The following CABCOCO1 variants were observed in gnomAD, a reference collection of about 807,000 sequenced individuals.
CABCOCO1 encodes ciliary associated calcium binding coiled-coil 1.
Under a neutral mutation model 35.7 loss-of-function variants are expected in CABCOCO1, and 28 were observed. That is an observed-to-expected ratio of 0.78 (90% CI 0.58 to 1.07). CABCOCO1 has a LOEUF of 1.07. CABCOCO1 is among the 50% of genes least tolerant of loss of function. CABCOCO1 has a pLI of 0.00. For synonymous variants in CABCOCO1, 95 were observed against 100.1 expected (o/e 0.95, Z 0.30); for missense variants, 326 against 309.2 (o/e 1.05, Z -0.41).
chr10:61,728,050 A>T (rs1161424514), intron 5 of CABCOCO1, among the ~76,000 whole-genome samples: 2 of 152,230 alleles, frequency 1.3e-5, no homozygotes, highest in Non-Finnish European at 2.9e-5. Flanking sequence ...TACACACATC[A>T]GTATTTTTAG....
At chr10:61,754,127 C>T (rs1841849376) in intron 5 of CABCOCO1, among the ~76,000 whole-genome samples, 1 of 152,076 alleles carries the variant, frequency 6.6e-6, no homozygotes, top group South Asian at 2.1e-4. Flanking sequence ...TTTTCATCCA[C>T]ATTATCTAGT....
chr10:61,680,806 A>G (rs759684803), intron 2 of CABCOCO1, among the ~76,000 whole-genome samples: 1 of 144,624 alleles, frequency 6.9e-6, no homozygotes, highest in African/African-American at 2.5e-5. Flanking sequence ...ACTTAATTTT[A>G]TAAATGAAAA....
chr10:61,736,856 C>G (rs987681079), intron 5 of CABCOCO1, among the ~76,000 whole-genome samples: 4 of 151,734 alleles, frequency 2.6e-5, no homozygotes, highest in Admixed American at 2.0e-4. Context: ...AGATCTTTCA[C>G]CTCCCTCATT....
chr10:61,732,929 CTTTATCATTACAGTGAATGTT>C (rs1201902352), intron 5 of CABCOCO1, among the ~76,000 whole-genome samples: 2 of 151,972 alleles, frequency 1.3e-5, no homozygotes, highest in Non-Finnish European at 2.9e-5. Flanking sequence ...AAATCTTGAT[CTTTATCATTACAGTGAATGTT>C]TTTAGAGCTT....
At chr10:61,680,323 T>TATATATTTATATACATATAACATATATA (rs1839673702) in intron 2 of CABCOCO1, among the ~76,000 whole-genome samples, 1 of 138,380 alleles carries the variant, frequency 7.2e-6, no homozygotes, top group South Asian at 2.2e-4. Flanking sequence ...AAAAAATATA[T>TATATATTTATATACATATAACATATATA]ATATATATAT....
intron 2 of CABCOCO1, among the ~76,000 whole-genome samples, chr10:61,680,651 ATTATGT>A (rs1564532601): frequency 4.5e-4 from 10 of 22,312 alleles, no homozygotes; most frequent in Non-Finnish European, 1.0e-3. Flanking sequence ...TATAATATAT[ATTATGT>A]TATACATGTA....
chr10:61,764,594 G>A (rs754226373), intron 7 of CABCOCO1, among the ~76,000 whole-genome samples: 6 of 151,744 alleles, frequency 4.0e-5, no homozygotes, highest in African/African-American at 1.5e-4. Context: ...TGCTTCTTTC[G>A]ACCCTACCTA....
chr10:61,681,913 G>A (rs1839804258), intron 3 of CABCOCO1, among the ~76,000 whole-genome samples: 1 of 152,028 alleles, frequency 6.6e-6, no homozygotes. Context: ...GTAAGAACTG[G>A]GCATGTGGGC....
chr10:61,674,603 T>A (rs1001586451), intron 2 of CABCOCO1, among the ~76,000 whole-genome samples: 8 of 152,162 alleles, frequency 5.3e-5, no homozygotes, highest in African/African-American at 1.9e-4. Flanking sequence ...ATAGTTTAAG[T>A]ATCCTATCAC....
At chr10:61,751,098 G>A (rs1841772335) in intron 5 of CABCOCO1, among the ~76,000 whole-genome samples, 1 of 150,850 alleles carries the variant, frequency 6.6e-6, no homozygotes, top group Admixed American at 6.6e-5. Flanking sequence ...AGATGGCCTG[G>A]CAGGATGCAG....
intron 5 of CABCOCO1, among the ~76,000 whole-genome samples, chr10:61,752,232 C>T (rs1841803957): frequency 6.6e-6 from 1 of 152,032 alleles, no homozygotes; most frequent in South Asian, 2.1e-4. Context: ...TGAAAGTGTC[C>T]TGTTTCTAGA....
chr10:61,730,842 A>C (rs1841286102), intron 5 of CABCOCO1, among the ~76,000 whole-genome samples: 1 of 152,012 alleles, frequency 6.6e-6, no homozygotes, highest in Non-Finnish European at 1.5e-5. Context: ...AAAATGCATA[A>C]ATCATTAAGA....
intron 3 of CABCOCO1, among the ~76,000 whole-genome samples, chr10:61,682,083 T>C (rs1415751589): frequency 1.3e-5 from 2 of 152,110 alleles, no homozygotes; most frequent in African/African-American, 2.4e-5. Flanking sequence ...ACACTAGAAA[T>C]AGAATAAAGG....
intron 5 of CABCOCO1, among the ~76,000 whole-genome samples, chr10:61,702,625 G>A (rs1039877434): frequency 3.3e-5 from 5 of 152,032 alleles, no homozygotes; most frequent in African/African-American, 9.7e-5. Flanking sequence ...TAAAAAAGAA[G>A]ATTTTGATCA....
chr10:61,741,286 T>C (rs1262942969), intron 5 of CABCOCO1, among the ~76,000 whole-genome samples: 2 of 152,134 alleles, frequency 1.3e-5, no homozygotes, highest in African/African-American at 2.4e-5. Context: ...TTAATAGAAG[T>C]GAATCATATG....
At chr10:61,666,563 A>T (rs1839178752) in intron 1 of CABCOCO1, among the ~76,000 whole-genome samples, 1 of 152,132 alleles carries the variant, frequency 6.6e-6, no homozygotes, top group Non-Finnish European at 1.5e-5. Flanking sequence ...CTTTGGGTTT[A>T]CTGTCTTATT....
intron 5 of CABCOCO1, among the ~76,000 whole-genome samples, chr10:61,722,782 G>T (rs936413644): frequency 2.6e-5 from 4 of 151,960 alleles, no homozygotes; most frequent in African/African-American, 9.7e-5. Context: ...AGCAGCAATG[G>T]CCATAGATCA....
chr10:61,671,594 A>G (rs1022551975), intron 1 of CABCOCO1, among the ~76,000 whole-genome samples: 1 of 151,880 alleles, frequency 6.6e-6, no homozygotes, highest in African/African-American at 2.4e-5. Context: ...CAGAATCTCC[A>G]TTCTTTCTCC....
Position 61,690,540 on chromosome 10 carries a change from A to G in CABCOCO1, c.480-9A>G, listed in dbSNP as rs771686408. ...ACTTATCAGAGTGCACATTTATTTT[A>G]TATTTCAGCTTATTTCAACACTACA... On this transcript the variant is annotated splice_polypyrimidine_tract_variant and intron_variant, in intron 4 of 7. Coordinates refer to ENST00000648843, the MANE Select transcript of CABCOCO1 (RefSeq NM_001366906.2). 17 of 1,576,964 alleles carry G rather than the reference A, an allele frequency of 1.1e-5. No homozygotes were observed. The highest frequency in any genetic ancestry group is 1.1e-5 in the South Asian group (1 of 87,854).
Sources: allele counts gnomAD v4.1 joint callset (sites outside exome capture counted in the v4.1 genomes callset), GRCh38; gene constraint gnomAD v4.1.1; transcripts MANE v1.5; gene names NCBI Gene and HGNC (gene_info 2026-07-23, HGNC 2026-07-21).